The following ACACA variants were observed in gnomAD, a reference collection of about 807,000 sequenced individuals.
ACACA encodes acetyl-CoA carboxylase 1.
ACACA carries 103 observed loss-of-function variants against 296.1 expected under a neutral mutation model. That is an observed-to-expected ratio of 0.35 (90% CI 0.30 to 0.41). The LOEUF (loss-of-function observed/expected upper bound fraction) is 0.41. ACACA is among the 10% of genes least tolerant of loss of function. The pLI is 1.00. For missense variants in ACACA, 1,554 were observed against 2,989.7 expected, an observed-to-expected ratio of 0.52 and a Z score of 11.20; for synonymous variants, 953 against 1,038.6, an observed-to-expected ratio of 0.92 and a Z score of 1.58.
In ACACA at chr17:37,244,693, C is replaced by T. The variant is rs753191777; in HGVS notation, c.2637G>A (p.Thr879=). The part of the protein sequence containing the change: ...HTGSLPRIQS[T]ALRGEKLHRV... ...GATGGAGTTTCTCGCCTCTGAGTGC[C>T]GTGCTCTGGATCCGTGGCAGACTAC... The change falls in exon 21 of 56, where the codon ACG becomes ACA. Residue 879 remains threonine (T), a synonymous_variant. Coordinates refer to ENST00000616317, the MANE Select transcript of ACACA (RefSeq NM_198834.3). 9 of 1,614,122 alleles carry T rather than the reference C, an allele frequency of 5.6e-6. No individual in the cohort carries two copies. Among genetic ancestry groups the T allele is most frequent in the South Asian group, 3.3e-5 (3 of 91,076 alleles).
intron 3 of ACACA, among the ~76,000 whole-genome samples, chr17:37,294,450 A>G (rs2083231193): frequency 6.6e-6 from 1 of 152,240 alleles, no homozygotes; most frequent in Non-Finnish European, 1.5e-5. Flanking sequence ...ATACAAATAA[A>G]CACATCTAGA....
intron 1 of ACACA, among the ~76,000 whole-genome samples, chr17:37,374,316 C>T (rs933258737): frequency 1.4e-5 from 2 of 139,676 alleles, no homozygotes; most frequent in Non-Finnish European, 3.1e-5. Context: ...GACGGAGTTT[C>T]GCTCTTGTTG....
intron 46 of ACACA, among the ~76,000 whole-genome samples, chr17:37,129,799 C>T (rs183677665): frequency 2.0e-5 from 3 of 152,264 alleles, no homozygotes; most frequent in African/African-American, 7.2e-5. Flanking sequence ...TGAGGAGGAA[C>T]CTTAATATAC....
At chr17:37,291,169 T>C (rs1011197005) in intron 3 of ACACA, among the ~76,000 whole-genome samples, 21 of 31,550 alleles carry the variant, frequency 6.7e-4, no homozygotes, top group African/African-American at 3.6e-3. Flanking sequence ...CACACACACA[T>C]CTCATAATAT....
chr17:37,146,544 CCTT>C (rs957902928), intron 45 of ACACA, among the ~76,000 whole-genome samples: 12 of 151,946 alleles, frequency 7.9e-5, no homozygotes, highest in Admixed American at 2.0e-4. Context: ...ATCCCTGTGT[CCTT>C]CTCCCTTGCT....
chr17:37,386,573 C>T (rs1192938518), intron 1 of ACACA, among the ~76,000 whole-genome samples: 1 of 151,642 alleles, frequency 6.6e-6, no homozygotes, highest in African/African-American at 2.4e-5. Flanking sequence ...GCAGGGGCGA[C>T]AGAGTGAGAC....
At position 37,203,738 on chromosome 17, in the gene ACACA, C is replaced by T. The variant is rs559701353; in HGVS notation, c.4056+2027G>A. Among the ~76,000 whole-genome samples the T allele has an allele frequency of 2.6e-5, 4 of 151,882 alleles. No homozygotes were observed. In the East Asian group the frequency reaches 7.8e-4, roughly 29 times the overall value. ...AGCCTGGGCAACAAGAGTGAAACTC[C>T]ATCTCAAAAAAACAAAACAAAACAA... On this transcript the variant is annotated intron_variant, in intron 33 of 55. Coordinates refer to ENST00000616317, the MANE Select transcript of ACACA (RefSeq NM_198834.3).
chr17:37,203,235 C>G (rs2078350831), intron 33 of ACACA, among the ~76,000 whole-genome samples: 2 of 151,836 alleles, frequency 1.3e-5, no homozygotes, highest in Non-Finnish European at 2.9e-5. Flanking sequence ...GTTGGGATTA[C>G]AGGCGTGAGC....
Position 37,130,174 on chromosome 17 carries a change from G to GC in ACACA, c.5723dup (p.Ile1909HisfsTer16), listed in dbSNP as rs2075020800. On this transcript the variant is annotated frameshift_variant, in exon 46 of 56. Coordinates refer to ENST00000616317, the MANE Select transcript of ACACA (RefSeq NM_198834.3). LOFTEE classifies it high-confidence loss of function. ...CCCCATTGTTGTGCATAATCTGGAT[G>GC]CCCCCCAGCTGGTTATTGGAGGTGT... 6.2e-7 allele frequency: 1 copy of GC among 1,614,122 alleles called. No homozygotes were observed.
intron 3 of ACACA, among the ~76,000 whole-genome samples, chr17:37,300,393 T>C (rs2083562428): frequency 6.6e-6 from 1 of 152,130 alleles, no homozygotes; most frequent in Non-Finnish European, 1.5e-5. Flanking sequence ...GAAAAATCAA[T>C]GGCAAAAGAC....
At chr17:37,288,846 T>C (rs1350883674) in intron 3 of ACACA, among the ~76,000 whole-genome samples, 1 of 151,520 alleles carries the variant, frequency 6.6e-6, no homozygotes, top group Non-Finnish European at 1.5e-5. Flanking sequence ...TGCAGTAAGC[T>C]ATGATCACAC....
Position 37,390,843 on chromosome 17 carries a change from C to G in ACACA, c.38+15419G>C, listed in dbSNP as rs578238888. 7.2e-5 allele frequency among the ~76,000 whole-genome samples: 11 copies of G among 151,930 alleles called. No homozygotes were observed. The South Asian group carries it at 2.1e-3, about 29-fold the overall frequency. On this transcript the variant is annotated intron_variant, in intron 1 of 55. Coordinates refer to ENST00000616317, the MANE Select transcript of ACACA (RefSeq NM_198834.3). ...CTCCTGAACATTGGAAGAAATAGGCCTGAAGGGACTACAAAGTCTAGTCCA... is the reference window on the plus strand; with the variant it reads ...CTCCTGAACATTGGAAGAAATAGGCGTGAAGGGACTACAAAGTCTAGTCCA...
At chr17:37,090,708 C>T (rs2072561806) in intron 54 of ACACA, among the ~76,000 whole-genome samples, 1 of 152,188 alleles carries the variant, frequency 6.6e-6, no homozygotes, top group Non-Finnish European at 1.5e-5. Context: ...TTTTAACTCA[C>T]TCTTGTGACC....
chr17:37,210,377 T>C (rs1464250645), intron 30 of ACACA, 90 bp downstream of exon 30: 1 of 1,202,290 alleles, frequency 8.3e-7, no homozygotes, highest in African/African-American at 1.5e-5. Context: ...CATTATCTTG[T>C]CAAGTGTTGT....
At chr17:37,354,441 T>C (rs1367196436) in intron 1 of ACACA, among the ~76,000 whole-genome samples, 2 of 152,110 alleles carry the variant, frequency 1.3e-5, no homozygotes, top group Admixed American at 6.5e-5. Context: ...GAGAACTGCA[T>C]CATTAGAGAA....
chr17:37,398,254 C>T (rs1168836699), intron 1 of ACACA, among the ~76,000 whole-genome samples: 1 of 146,118 alleles, frequency 6.8e-6, no homozygotes, highest in African/African-American at 2.5e-5. Flanking sequence ...AACAGTTTGG[C>T]CTCCTCTTCT....
At chr17:37,402,273 G>C (rs1015006318) in intron 1 of ACACA, among the ~76,000 whole-genome samples, 1 of 152,054 alleles carries the variant, frequency 6.6e-6, no homozygotes, top group Non-Finnish European at 1.5e-5. Flanking sequence ...GCCATTGGGG[G>C]GTCAGGAGAA....
At chr17:37,144,687 G>A (rs2075738493) in intron 45 of ACACA, among the ~76,000 whole-genome samples, 2 of 152,178 alleles carry the variant, frequency 1.3e-5, no homozygotes, top group Admixed American at 1.3e-4. Context: ...TCAAAAGCAA[G>A]ATTAGCAGAA....
At chr17:37,120,708 G>T (rs1310105236) in intron 50 of ACACA, among the ~76,000 whole-genome samples, 1 of 152,212 alleles carries the variant, frequency 6.6e-6, no homozygotes, top group Non-Finnish European at 1.5e-5. Flanking sequence ...CTTCACTACT[G>T]TAAGAGGTAG....
Sources: gnomAD v4.1 joint callset for allele counts (sites outside exome capture counted in the v4.1 genomes callset) on GRCh38, gnomAD v4.1.1 for gene constraint, MANE v1.5 for transcripts, NCBI Gene and HGNC (gene_info 2026-07-23, HGNC 2026-07-21) for gene names.